Variants in TRIM66 observed in about 807,000 individuals in gnomAD.
The protein encoded by TRIM66 is tripartite motif containing 66.
TRIM66 carries 99 observed loss-of-function variants against 148.2 expected under a neutral mutation model. The ratio of observed to expected loss-of-function variants is 0.67; its 90% confidence interval spans 0.57 to 0.79. The LOEUF (loss-of-function observed/expected upper bound fraction) is 0.79, where lower values mean the gene tolerates loss of function less well. Among genes scored for constraint, TRIM66 ranks in the 30% least tolerant of loss-of-function variants. The probability of loss-of-function intolerance (pLI) is 0.00; values close to 1 mark genes in which losing one functional copy is unlikely to be tolerated. For missense variants in TRIM66, 1,666 were observed against 1,697.9 expected (o/e 0.98, Z 0.33); for synonymous variants, 616 against 635.9 (o/e 0.97, Z 0.47).
chr11:8,629,542 T>G (rs976686613), intron 15 of TRIM66, among the ~76,000 whole-genome samples: 1 of 152,198 alleles, frequency 6.6e-6, no homozygotes, highest in African/African-American at 2.4e-5. Context: ...CTTCCCAGAT[T>G]AGGGGTAGAG....
chr11:8,682,834 T>C, upstream of TRIM66: 1 of 1,610,910 alleles, frequency 6.2e-7, no homozygotes, highest in Non-Finnish European at 8.5e-7. Flanking sequence ...TTTCGTTTCT[T>C]GCCTCCTCTT....
intron 15 of TRIM66, among the ~76,000 whole-genome samples, chr11:8,634,486 G>T (rs2035700905): frequency 6.6e-6 from 1 of 152,206 alleles, no homozygotes; most frequent in Non-Finnish European, 1.5e-5. Flanking sequence ...TTGAGGAAAG[G>T]ATTGTGTGTA....
At chr11:8,620,348 C>T in intron 21 of TRIM66, 98 bp downstream of exon 21, 1 of 1,496,552 alleles carries the variant, frequency 6.7e-7, no homozygotes, top group Non-Finnish European at 9.0e-7. Context: ...GAAATGTATC[C>T]AGAAAAGCCC....
At chr11:8,644,203 T>C (rs542847769) in intron 12 of TRIM66, 26 of 324,776 alleles carry the variant, frequency 8.0e-5, no homozygotes, top group South Asian at 6.5e-4. Context: ...ATCACTAGTG[T>C]CCTAATTCCC....
chr11:8,672,237 C>T lies in TRIM66; in HGVS notation c.27+11G>A, dbSNP rs1263635044. ...GAGCTGGAGGCTCATGCCTCAGCCTCAGTTCCTCACCTGGGACCAAAAAGA... is the reference window on the plus strand; with the variant it reads ...GAGCTGGAGGCTCATGCCTCAGCCTTAGTTCCTCACCTGGGACCAAAAAGA... On this transcript the variant is annotated intron_variant, in intron 5 of 24. Transcript: ENST00000646038. 13 of 1,536,176 alleles carry T rather than the reference C, an allele frequency of 8.5e-6. No individual in the cohort carries two copies. In the East Asian group the frequency reaches 2.7e-4, roughly 32 times the overall value.
At chr11:8,635,653 C>G (rs1391951234) in intron 15 of TRIM66, among the ~76,000 whole-genome samples, 1 of 152,150 alleles carries the variant, frequency 6.6e-6, no homozygotes, top group Non-Finnish European at 1.5e-5. Flanking sequence ...TGAAGAATGC[C>G]AGGCCATCTG....
chr11:8,676,234 CTTT>C (rs75701989), intron 3 of TRIM66, among the ~76,000 whole-genome samples: 4 of 141,768 alleles, frequency 2.8e-5, no homozygotes, highest in Admixed American at 7.1e-5. Flanking sequence ...AGGTAAACTT[CTTT>C]TTTTTTTTTT....
Position 8,624,750 on chromosome 11 carries a change from T to C in TRIM66, c.2789A>G (p.Asp930Gly), listed in dbSNP as rs1300717697. The C allele has an allele frequency of 1.9e-6, 3 of 1,544,936 alleles. No homozygotes were observed. The highest frequency in any genetic ancestry group is 4.9e-5 in the East Asian group (2 of 40,792). Residue 930 changes from aspartate (D) to glycine (G), a missense_variant, in exon 16 of 25, where the codon GAT becomes GGT. Asp to Gly is a moderately conservative substitution (Grantham distance 94). Transcript: ENST00000646038. The stretch of plus-strand genomic sequence containing the variant: ...ATTCTCCAGGGAGGGATCAGCCCCA[T>C]CTCTGGGACACAGGCTCCCTGAAGT... ...GRTSGSLCPR[D>G]GADPSLENAL...
chr11:8,681,208 A>G (rs553273495), intron 1 of TRIM66, among the ~76,000 whole-genome samples: 1 of 149,490 alleles, frequency 6.7e-6, no homozygotes, highest in Non-Finnish European at 1.5e-5. Flanking sequence ...ATCTCGGTTC[A>G]CTACAAGCTC....
chr11:8,639,094 T>C (rs572182273), intron 14 of TRIM66, among the ~76,000 whole-genome samples: 3 of 152,324 alleles, frequency 2.0e-5, no homozygotes, highest in African/African-American at 7.2e-5. Flanking sequence ...TGACTTACAT[T>C]TTAGCTTGTG....
At chr11:8,657,551 C>T (rs1362049080) in intron 6 of TRIM66, among the ~76,000 whole-genome samples, 1 of 152,178 alleles carries the variant, frequency 6.6e-6, no homozygotes, top group Non-Finnish European at 1.5e-5. Flanking sequence ...TCCCTGATTA[C>T]CTCTGTAGCC....
Position 8,619,505 on chromosome 11 carries a change from G to A in TRIM66, c.3778C>T (p.Pro1260Ser). ...CTCCGGATGATTGACAGGTCCATGGGCCTCTTGATAATCTGGTAATAATGC... is the reference window on the plus strand; with the variant it reads ...CTCCGGATGATTGACAGGTCCATGGACCTCTTGATAATCTGGTAATAATGC... Reference protein sequence around the residue: ...ARHYYQIIKRPMDLSIIRRKL... With the variant: ...ARHYYQIIKRSMDLSIIRRKL... The change falls in exon 23 of 25, where the codon CCC becomes TCC. Residue 1260 changes from proline to serine, a missense_variant. Physicochemically the swap from Pro to Ser is moderately conservative, Grantham distance 74. Transcript: ENST00000646038. 1.3e-6 allele frequency: 2 copies of A among 1,549,962 alleles called. No homozygotes were observed. Among genetic ancestry groups the A allele is most frequent in the Non-Finnish European group, 1.7e-6 (2 of 1,146,352 alleles).
At chr11:8,650,337 C>T (rs2037247547) in intron 7 of TRIM66, among the ~76,000 whole-genome samples, 2 of 152,096 alleles carry the variant, frequency 1.3e-5, no homozygotes, top group Non-Finnish European at 2.9e-5. Flanking sequence ...CGTACCACTA[C>T]ACTCCAGCCT....
At chr11:8,661,314 G>A in intron 6 of TRIM66, among the ~76,000 whole-genome samples, 1 of 152,202 alleles carries the variant, frequency 6.6e-6, no homozygotes, top group East Asian at 1.9e-4. Flanking sequence ...ATGCTCCTAG[G>A]AACCACCTGG....
At position 8,628,258 on chromosome 11, in the gene TRIM66, A is replaced by G. The variant is rs538896391; in HGVS notation, c.2311-3030T>C. On this transcript the variant is annotated intron_variant, in intron 15 of 24. Coordinates refer to ENST00000646038, the MANE Select transcript of TRIM66 (RefSeq NM_001388022.1). ...CCATCCTAGTCTCATTTCTGAACTC[A>G]GAGGATCCTTTCAATATTTCATCAC... Among the ~76,000 whole-genome samples the G allele has an allele frequency of 4.7e-4, 71 of 152,300 alleles. No individual in the cohort carries two copies. The South Asian group carries it at 6.4e-3, about 14-fold the overall frequency.
At chr11:8,648,292 G>C in intron 9 of TRIM66, 124 bp downstream of exon 9, 1 of 1,436,674 alleles carries the variant, frequency 7.0e-7, no homozygotes, top group African/African-American at 1.4e-5. Flanking sequence ...AAAAACTTCA[G>C]CCCAGGGGCT....
At chr11:8,641,297 CT>C in intron 13 of TRIM66, 145 bp from the exon 14 acceptor site, 1 of 762,356 alleles carries the variant, frequency 1.3e-6, no homozygotes, top group Non-Finnish European at 2.1e-6. Context: ...ATCTCCTAGA[CT>C]CGGTCTAGAA....
At position 8,619,452 on chromosome 11, in the gene TRIM66, G is replaced by C; in HGVS notation, c.3831C>G (p.His1277Gln). ...RRKLQKKDPA[H>Q]YTTPEEVVSD... ...ATACCACCTCCTCTGGGGTGGTATA[G>C]TGAGCTGGGTCCTTCTTTTGCAGCT... The change falls in exon 23 of 25, where the codon CAC becomes CAG. Residue 1277 changes from histidine to glutamine, a missense_variant. His to Gln is a conservative substitution (Grantham distance 24). Coordinates refer to ENST00000646038, the MANE Select transcript of TRIM66 (RefSeq NM_001388022.1). 6.4e-7 allele frequency: 1 copy of C among 1,551,452 alleles called. No individual in the cohort carries two copies. Among genetic ancestry groups the C allele is most frequent in the Non-Finnish European group, 8.7e-7 (1 of 1,146,838 alleles).
intron 6 of TRIM66, among the ~76,000 whole-genome samples, chr11:8,655,108 C>T (rs1007369221): frequency 6.6e-6 from 1 of 152,140 alleles, no homozygotes; most frequent in South Asian, 2.1e-4. Flanking sequence ...GATCCACCCA[C>T]CTCAGCCTCC....
Sources: allele counts gnomAD v4.1 joint callset (sites outside exome capture counted in the v4.1 genomes callset), GRCh38; gene constraint gnomAD v4.1.1; transcripts MANE v1.5; gene names NCBI Gene and HGNC (gene_info 2026-07-23, HGNC 2026-07-21).